Variants in EXOC2 observed in about 807,000 individuals in gnomAD.
The protein encoded by EXOC2 is exocyst complex component 2, also known as SEC5-like 1.
In EXOC2, 70 loss-of-function variants were observed where a neutral mutation model predicts 131.8. The ratio of observed to expected loss-of-function variants is 0.53; its 90% confidence interval spans 0.44 to 0.65. The LOEUF is 0.65. Among genes scored for constraint, EXOC2 ranks in the 30% least tolerant of loss-of-function variants. The pLI is 0.00. For synonymous variants in EXOC2, 411 were observed against 398.4 expected (o/e 1.03, Z -0.38); for missense variants, 923 against 1,108.6 (o/e 0.83, Z 2.38).
chr6:615,177 GT>G (rs1760921513), intron 6 of EXOC2, among the ~76,000 whole-genome samples: 1 of 74,644 alleles, frequency 1.3e-5, no homozygotes, highest in African/African-American at 8.2e-5. Flanking sequence ...GTATATGTGG[GT>G]GTGGGTGTGT....
At chr6:605,772 T>C (rs901382755) in intron 7 of EXOC2, among the ~76,000 whole-genome samples, 22 of 152,240 alleles carry the variant, frequency 1.4e-4, no homozygotes, top group Non-Finnish European at 2.6e-4. Context: ...CTTGCTTCTC[T>C]AGTTCTTTTA....
In EXOC2 at chr6:564,054, T is replaced by A. The variant is rs765491850; in HGVS notation, c.1768A>T (p.Thr590Ser). 1.2e-6 allele frequency: 2 copies of A among 1,613,982 alleles called. No individual in the cohort carries two copies. The highest frequency in any genetic ancestry group is 1.7e-6 in the Non-Finnish European group (2 of 1,180,032). Residue 590 changes from threonine to serine, a missense_variant, in exon 16 of 28, where the codon ACG becomes TCG. Transcript: ENST00000230449. The part of the protein sequence containing the change: ...LDLRVRCVMA[T>S]LQHTAEEIKR... ...ACACCTTCCGCCGTGTGCTGCAACGTGGCCATTACGCAACGTACTCGGAGA... is the reference window on the plus strand; with the variant it reads ...ACACCTTCCGCCGTGTGCTGCAACGAGGCCATTACGCAACGTACTCGGAGA...
At chr6:521,537 T>C (rs529067861) in intron 23 of EXOC2, among the ~76,000 whole-genome samples, 1 of 152,104 alleles carries the variant, frequency 6.6e-6, no homozygotes, top group East Asian at 1.9e-4. Flanking sequence ...ATTCTTTTTT[T>C]TTTTTTTCCT....
chr6:608,327 A>C (rs1760533548), intron 7 of EXOC2, among the ~76,000 whole-genome samples: 1 of 152,256 alleles, frequency 6.6e-6, no homozygotes, highest in Non-Finnish European at 1.5e-5. Context: ...ACGTCTGTCA[A>C]GTTGACCTGA....
intron 1 of EXOC2, among the ~76,000 whole-genome samples, chr6:671,461 G>C (rs1008135974): frequency 6.6e-6 from 1 of 152,162 alleles, no homozygotes; most frequent in African/African-American, 2.4e-5. Flanking sequence ...GCTGGGCATG[G>C]TGCCAGATGC....
intron 1 of EXOC2, among the ~76,000 whole-genome samples, chr6:692,664 G>C (rs965849776): frequency 6.6e-6 from 1 of 152,392 alleles, no homozygotes; most frequent in African/African-American, 2.4e-5. Flanking sequence ...CAAATCTCAC[G>C]GAGTGGCAAC....
chr6:560,592 T>C (rs1757647059), intron 17 of EXOC2, among the ~76,000 whole-genome samples: 1 of 152,204 alleles, frequency 6.6e-6, no homozygotes, highest in African/African-American at 2.4e-5. Flanking sequence ...GTGCAGGTGG[T>C]GCAGGTCCAT....
At chr6:596,113 T>C (rs748067103) in intron 10 of EXOC2, among the ~76,000 whole-genome samples, 6 of 151,914 alleles carry the variant, frequency 3.9e-5, no homozygotes, top group African/African-American at 7.3e-5. Context: ...AGAGAGGACA[T>C]GTAGAACACA....
intron 1 of EXOC2, among the ~76,000 whole-genome samples, chr6:659,913 C>T (rs1193739): frequency 0.56 from 84,955 of 151,218 alleles, 24,182 homozygotes; most frequent in Admixed American, 0.66. Context: ...CAGGCGGGGA[C>T]AGAACCCAGC....
chr6:656,305 C>T, intron 1 of EXOC2: 2 of 1,614,206 alleles, frequency 1.2e-6, no homozygotes, highest in Non-Finnish European at 1.7e-6. Flanking sequence ...ACACCCACAG[C>T]CGACTGGGGA....
chr6:539,578 G>A (rs140339553), intron 22 of EXOC2, among the ~76,000 whole-genome samples: 1 of 152,256 alleles, frequency 6.6e-6, no homozygotes, highest in African/African-American at 2.4e-5. Flanking sequence ...CTTCTTTACT[G>A]TTGTCTTCAA....
At chr6:663,628 T>C (rs746031655) in intron 1 of EXOC2, among the ~76,000 whole-genome samples, 4 of 152,096 alleles carry the variant, frequency 2.6e-5, no homozygotes, top group African/African-American at 4.8e-5. Context: ...CAGGGGTAGT[T>C]TAACATACAC....
rs1761088486 is a variant in EXOC2, at chr6:617,785, T to C, written c.587A>G (p.Lys196Arg). The C allele has an allele frequency of 6.2e-7, 1 of 1,613,718 alleles. No homozygotes were observed. Among genetic ancestry groups the C allele is most frequent in the Non-Finnish European group, 8.5e-7 (1 of 1,179,818 alleles). Residue 196 changes from lysine to arginine, a missense_variant, in exon 6 of 28, where the codon AAG (lysine) becomes AGG (arginine). By Grantham distance (26) the Lys-to-Arg change is conservative (BLOSUM62 2). Coordinates refer to ENST00000230449, the MANE Select transcript of EXOC2 (RefSeq NM_018303.6). ...AVTNLKRQAN[K>R]KSEGSLAYVK... is the part of the protein sequence containing the mutation. ...ATAGGCCAGGCTGCCCTCACTCTTC[T>C]TGTTAGCCTGTCTCTTTAGGTTGGT...
At chr6:495,455 G>C (rs937307018) in intron 25 of EXOC2, among the ~76,000 whole-genome samples, 3 of 152,140 alleles carry the variant, frequency 2.0e-5, no homozygotes, top group African/African-American at 7.2e-5. Context: ...TTTGTGTCTC[G>C]AACCCATGGT....
chr6:685,820 G>C (rs1057414410), intron 1 of EXOC2, among the ~76,000 whole-genome samples: 21 of 151,216 alleles, frequency 1.4e-4, no homozygotes, highest in Non-Finnish European at 1.6e-4. Flanking sequence ...ATTTGCAGAA[G>C]GGGAGGACTG....
At chr6:558,987 AC>A (rs1293158284) in intron 17 of EXOC2, among the ~76,000 whole-genome samples, 1 of 152,190 alleles carries the variant, frequency 6.6e-6, no homozygotes, top group Non-Finnish European at 1.5e-5. Context: ...TTTCAGTTGA[AC>A]CGGGAGTAGG....
intron 23 of EXOC2, among the ~76,000 whole-genome samples, chr6:507,638 T>G (rs1252604116): frequency 2.0e-5 from 3 of 152,190 alleles, no homozygotes; most frequent in Non-Finnish European, 4.4e-5. Context: ...TTAGTGCTGA[T>G]CTCATGGGAA....
chr6:499,151 G>C (rs554467457), intron 24 of EXOC2, among the ~76,000 whole-genome samples: 2 of 152,058 alleles, frequency 1.3e-5, no homozygotes, highest in South Asian at 2.1e-4. Context: ...AGTCAACCAC[G>C]GACAGGAAAC....
chr6:592,171 C>G (rs779120213), intron 11 of EXOC2, among the ~76,000 whole-genome samples: 1 of 152,064 alleles, frequency 6.6e-6, no homozygotes, highest in Non-Finnish European at 1.5e-5. Context: ...ATACACCTGA[C>G]GAGACGATGT....
Sources: gnomAD v4.1 joint callset for allele counts (sites outside exome capture counted in the v4.1 genomes callset) on GRCh38, gnomAD v4.1.1 for gene constraint, MANE v1.5 for transcripts, NCBI Gene and HGNC (gene_info 2026-07-23, HGNC 2026-07-21) for gene names.